FSD1L: variants seen among roughly 807,000 people sequenced by gnomAD.
The protein encoded by FSD1L is FSD1-like protein.
Under a neutral mutation model 71.6 loss-of-function variants are expected in FSD1L, and 45 were observed. The ratio of observed to expected loss-of-function variants is 0.63; its 90% confidence interval spans 0.49 to 0.81. The LOEUF (loss-of-function observed/expected upper bound fraction) is 0.81, where lower values mean the gene tolerates loss of function less well. FSD1L is among the 30% of genes least tolerant of loss of function. The pLI is 0.00. For synonymous variants in FSD1L, 197 were observed against 207.2 expected (o/e 0.95, Z 0.42); for missense variants, 561 against 618.1 (o/e 0.91, Z 0.98).
intron 13 of FSD1L, among the ~76,000 whole-genome samples, chr9:105,544,669 T>A (rs1336880073): frequency 6.6e-6 from 1 of 152,176 alleles, no homozygotes; most frequent in African/African-American, 2.4e-5. Context: ...CCCAGCACCA[T>A]TTGTTAAATA....
In FSD1L at chr9:105,526,934, TA is replaced by T. The variant is rs1440043589; in HGVS notation, c.1026-7555del. ...ATAAATATATAATTTTTTACAAATG[TA>T]AAATTTTACATTTAAGCATTTGTAA... On this transcript the variant is annotated intron_variant, in intron 10 of 13. Transcript: ENST00000481272. 6.6e-5 allele frequency among the ~76,000 whole-genome samples: 10 copies of T among 151,526 alleles called. 1 individual carries two copies. Among genetic ancestry groups the T allele is most frequent in the African/African-American group, 2.4e-4 (10 of 41,052 alleles).
At chr9:105,543,072 G>T (rs1161455734) in intron 13 of FSD1L, among the ~76,000 whole-genome samples, 1 of 152,060 alleles carries the variant, frequency 6.6e-6, no homozygotes, top group Non-Finnish European at 1.5e-5. Context: ...TTTATAATCA[G>T]AAAGTTGCTT....
At chr9:105,522,952 G>A in intron 10 of FSD1L, 1 of 1,613,592 alleles carries the variant, frequency 6.2e-7, no homozygotes, top group Non-Finnish European at 8.5e-7. Flanking sequence ...GCCAGTGCAG[G>A]GAGCAGTGAT....
chr9:105,479,247 T>C, intron 5 of FSD1L, 107 bp from the exon 6 acceptor site: 1 of 898,504 alleles, frequency 1.1e-6, no homozygotes, highest in Non-Finnish European at 1.8e-6. Context: ...TATGAACTAA[T>C]CTGTTGCAGG....
At chr9:105,523,929 T>A in intron 10 of FSD1L, 10 of 1,592,188 alleles carry the variant, frequency 6.3e-6, no homozygotes, top group Non-Finnish European at 7.7e-6. Flanking sequence ...TTCTTCAGCT[T>A]TTCTCAATGC....
At chr9:105,542,042 T>C (rs1836657190) in intron 13 of FSD1L, among the ~76,000 whole-genome samples, 1 of 152,246 alleles carries the variant, frequency 6.6e-6, no homozygotes, top group Non-Finnish European at 1.5e-5. Context: ...ACTTGGGTTT[T>C]TCCCAGTTTG....
upstream of FSD1L, among the ~76,000 whole-genome samples, chr9:105,443,701 G>T (rs1158299383): frequency 6.6e-6 from 1 of 152,168 alleles, no homozygotes; most frequent in African/African-American, 2.4e-5. Context: ...GGAGGCCAAG[G>T]TGGGAGGACT....
chr9:105,485,533 G>GTTTTTTTTTTTTTTTTTTTTTTTTT, intron 7 of FSD1L, among the ~76,000 whole-genome samples: 1 of 79,406 alleles, frequency 1.3e-5, no homozygotes, highest in Non-Finnish European at 2.3e-5. Context: ...TTGGTTAGGT[G>GTTTTTTTTTTTTTTTTTTTTTTTTT]TTTTTTTTTT....
At chr9:105,513,377 G>A (rs185376962) in intron 10 of FSD1L, among the ~76,000 whole-genome samples, 5 of 152,254 alleles carry the variant, frequency 3.3e-5, no homozygotes, top group Admixed American at 2.6e-4. Flanking sequence ...AGGACCTTTT[G>A]TTACTGTCAT....
Position 105,458,919 on chromosome 9 carries a change from G to C in FSD1L, c.16-2601G>C, listed in dbSNP as rs116866483. Among the ~76,000 whole-genome samples the C allele has an allele frequency of 7.9e-3, 1,204 of 152,292 alleles. 10 individuals carry two copies. Among genetic ancestry groups the C allele is most frequent in the Middle Eastern group, 0.02 (6 of 294 alleles). ...GATGATGGCCTAGCTTTCTGTCTTC[G>C]CTCTTGATTAAATTTGGAGGTCCTG... On this transcript the variant is annotated intron_variant, in intron 1 of 13. Coordinates refer to ENST00000481272, the MANE Select transcript of FSD1L (RefSeq NM_001145313.3).
Position 105,546,921 on chromosome 9 carries a change from A to G in FSD1L, c.*438A>G, listed in dbSNP as rs1359014112. ...TCTAACACAGAAGCTTTAAAAATAC[A>G]TAGTCATCCAAGGTTTTCTAAAAAT... On this transcript the variant is annotated 3_prime_UTR_variant, in exon 14 of 14. Coordinates refer to ENST00000481272, the MANE Select transcript of FSD1L (RefSeq NM_001145313.3). 2 of 152,206 alleles carry G rather than the reference A, an allele frequency of 1.3e-5. No individual in the cohort carries two copies. The highest frequency in any genetic ancestry group is 2.4e-5 in the African/African-American group (1 of 41,462). 9.4% of individuals were successfully genotyped at this position (152,206 alleles called of 1,614,324 possible).
chr9:105,541,296 T>A (rs1166680156), intron 13 of FSD1L, among the ~76,000 whole-genome samples: 2 of 151,452 alleles, frequency 1.3e-5, no homozygotes, highest in African/African-American at 4.8e-5. Flanking sequence ...TCCTTTTTTT[T>A]TTTTTTTTAA....
intron 9 of FSD1L, 147 bp downstream of exon 9, chr9:105,508,862 G>T: frequency 1.9e-6 from 1 of 523,930 alleles, no homozygotes. Context: ...GAATTTTAAG[G>T]GAAAATAGGA....
chr9:105,503,423 A>G (rs1444167217), intron 7 of FSD1L, among the ~76,000 whole-genome samples: 1 of 152,180 alleles, frequency 6.6e-6, no homozygotes, highest in East Asian at 1.9e-4. Context: ...ATCAATGACA[A>G]TTACAAAGTC....
chr9:105,497,057 C>T (rs1307263344), intron 7 of FSD1L, among the ~76,000 whole-genome samples: 1 of 152,144 alleles, frequency 6.6e-6, no homozygotes, highest in East Asian at 1.9e-4. Context: ...GTTCCTATTT[C>T]ACTGAGAGTT....
intron 13 of FSD1L, among the ~76,000 whole-genome samples, chr9:105,545,971 A>T (rs1026107132): frequency 1.3e-5 from 2 of 152,004 alleles, no homozygotes; most frequent in Non-Finnish European, 2.9e-5. Flanking sequence ...GCCATATCTC[A>T]TTATCAAAAC....
At chr9:105,495,222 G>A (rs1456651761) in intron 7 of FSD1L, among the ~76,000 whole-genome samples, 1 of 152,202 alleles carries the variant, frequency 6.6e-6, no homozygotes, top group East Asian at 1.9e-4. Flanking sequence ...CCCTCCCCTA[G>A]CCTCGCTGCC....
chr9:105,527,746 G>T (rs555114663), intron 10 of FSD1L, among the ~76,000 whole-genome samples: 5 of 151,634 alleles, frequency 3.3e-5, no homozygotes. Context: ...AGACAAGGAT[G>T]CCCTCTCTCA....
At chr9:105,541,822 T>C (rs1226591211) in intron 13 of FSD1L, among the ~76,000 whole-genome samples, 1 of 152,184 alleles carries the variant, frequency 6.6e-6, no homozygotes, top group East Asian at 1.9e-4. Flanking sequence ...TAGCTATCAG[T>C]AACCAGTTCG....
Sources: gnomAD v4.1 joint callset for allele counts (sites outside exome capture counted in the v4.1 genomes callset) on GRCh38, gnomAD v4.1.1 for gene constraint, MANE v1.5 for transcripts, NCBI Gene and HGNC (gene_info 2026-07-23, HGNC 2026-07-21) for gene names.